Variants in PIWIL3 observed in about 807,000 individuals in gnomAD.
PIWIL3 encodes the protein piwi-like protein 3.
PIWIL3 carries 101 observed loss-of-function variants against 109.7 expected under a neutral mutation model. That is an observed-to-expected ratio of 0.92 (90% CI 0.78 to 1.09). The LOEUF is 1.09. Ranked by LOEUF, PIWIL3 falls within the 50% of genes least tolerant of loss-of-function variation. The pLI, the probability that PIWIL3 is intolerant of heterozygous loss-of-function variation, is 0.00. For missense variants in PIWIL3, 1,031 were observed against 1,072.6 expected (o/e 0.96, Z 0.54); for synonymous variants, 373 against 376.4 (o/e 0.99, Z 0.10).
chr22:24,755,669 AAT>A lies in PIWIL3; in HGVS notation c.692+113_692+114del. ...CATCTCCAAGACCCTTCACTCTCTTAATACATGAGGACTAGGAAGAACACTAA... is the reference window on the plus strand; with the variant it reads ...CATCTCCAAGACCCTTCACTCTCTTAACATGAGGACTAGGAAGAACACTAA... On this transcript the variant is annotated intron_variant, in intron 6 of 20. Coordinates refer to ENST00000616349, the MANE Select transcript of PIWIL3 (RefSeq NM_001255975.1). The A allele has an allele frequency of 1.6e-5, 22 of 1,345,390 alleles. No individual in the cohort carries two copies. In the Admixed American group the frequency reaches 3.9e-4, roughly 24 times the overall value. The allele number at this position is 1,345,390 out of a possible 1,614,324, so 83.3% of individuals were successfully genotyped here. A position where few individuals can be genotyped will look rare whatever the true frequency, so the allele number is the denominator to read the frequency against.
At position 24,757,930 on chromosome 22, in the gene PIWIL3, C is replaced by T; in HGVS notation, c.333G>A (p.Lys111=). ...TACCTGTTTTTGAGTCTTTAACATG[C>T]TTCATATCTTGCCTGGTGTTCACCA... ...DLVVNTRQDM[K]HVKDSKTGSE... is the part of the protein sequence containing the mutation. The change falls in exon 4 of 21, where the codon AAG becomes AAA. Residue 111 remains lysine, a synonymous_variant. Coordinates refer to ENST00000616349, the MANE Select transcript of PIWIL3 (RefSeq NM_001255975.1). The T allele has an allele frequency of 1.2e-6, 2 of 1,612,670 alleles. No individual in the cohort carries two copies. Among genetic ancestry groups the T allele is most frequent in the Non-Finnish European group, 1.7e-6 (2 of 1,179,608 alleles).
At chr22:24,734,583 C>T (rs1923546840) in intron 13 of PIWIL3, among the ~76,000 whole-genome samples, 1 of 152,138 alleles carries the variant, frequency 6.6e-6, no homozygotes, top group African/African-American at 2.4e-5. Flanking sequence ...ACTGCAGGCT[C>T]AGCATGGACA....
chr22:24,728,031 C>T lies in PIWIL3; in HGVS notation c.1928G>A (p.Gly643Asp). The T allele has an allele frequency of 1.2e-6, 2 of 1,613,956 alleles. No individual in the cohort carries two copies. Among genetic ancestry groups the T allele is most frequent in the Non-Finnish European group, 1.7e-6 (2 of 1,179,942 alleles). The change falls in exon 16 of 21, where the codon GGC becomes GAC. Residue 643 changes from glycine to aspartate, a missense_variant. Gly to Asp is a moderately conservative substitution (Grantham distance 94). Coordinates refer to ENST00000616349, the MANE Select transcript of PIWIL3 (RefSeq NM_001255975.1). ...ETDVQRTMFVGIDCFHDIVNR... is the reference protein window; with the variant it reads ...ETDVQRTMFVDIDCFHDIVNR... Reference sequence around the variant, plus strand: ...TACGATATCGTGGAAACAATCAATGCCAACGAACATTGTTCTTTGTACCTT... The same window carrying T: ...TACGATATCGTGGAAACAATCAATGTCAACGAACATTGTTCTTTGTACCTT...
At position 24,754,176 on chromosome 22, in the gene PIWIL3, A is replaced by G. The variant is rs1177622230; in HGVS notation, c.815T>C (p.Leu272Pro). 1 of 1,614,122 alleles carries G rather than the reference A, an allele frequency of 6.2e-7. No individual in the cohort carries two copies. Among genetic ancestry groups the G allele is most frequent in the South Asian group, 1.1e-5 (1 of 91,080 alleles). Residue 272 changes from leucine (L) to proline (P), a missense_variant, in exon 8 of 21, where the codon CTT becomes CCT. Physicochemically the swap from Leu to Pro is moderately conservative, Grantham distance 98. Coordinates refer to ENST00000616349, the MANE Select transcript of PIWIL3 (RefSeq NM_001255975.1). ...GAGGGTAATGCTGTTTTCGTATTGA[A>G]GAACAGAAGTAACATAACCAAGCCA... is the stretch of plus-strand genomic sequence containing the variant. ...EIWLGYVTSV[L>P]QYENSITLCA...
intron 16 of PIWIL3, among the ~76,000 whole-genome samples, chr22:24,727,259 T>C (rs1379263920): frequency 1.3e-5 from 2 of 152,242 alleles, no homozygotes; most frequent in Non-Finnish European, 2.9e-5. Flanking sequence ...ACCCCTGTGA[T>C]TGTTATGCTA....
chr22:24,742,658 C>T (rs1037156257), intron 12 of PIWIL3, among the ~76,000 whole-genome samples: 2 of 152,174 alleles, frequency 1.3e-5, no homozygotes, highest in African/African-American at 4.8e-5. Context: ...GAAAGGATAA[C>T]CTATTCAACA....
In PIWIL3 at chr22:24,723,173, G is replaced by A. The variant is rs1922776869; in HGVS notation, c.2314C>T (p.Pro772Ser). 2 of 1,612,912 alleles carry A rather than the reference G, an allele frequency of 1.2e-6. No homozygotes were observed. Among genetic ancestry groups the A allele is most frequent in the African/African-American group, 1.3e-5 (1 of 74,894 alleles). ...LKHGSNFQNP[P>S]PGTVIDVELT... The stretch of plus-strand genomic sequence containing the variant: ...TCTACATCAATAACTGTTCCTGGAG[G>A]TGGATTTTGAAAATTGCTTCCATGT... Residue 772 changes from proline to serine, a missense_variant, in exon 19 of 21, where the codon CCT becomes TCT. Coordinates refer to ENST00000616349, the MANE Select transcript of PIWIL3 (RefSeq NM_001255975.1).
intron 1 of PIWIL3, among the ~76,000 whole-genome samples, chr22:24,767,334 G>A (rs1204258547): frequency 1.3e-5 from 2 of 151,764 alleles, no homozygotes; most frequent in Admixed American, 6.6e-5. Context: ...TCAGGAGTTC[G>A]AGACCAGCCT....
chr22:24,737,215 GT>G (rs894961061), intron 12 of PIWIL3, among the ~76,000 whole-genome samples: 37 of 152,312 alleles, frequency 2.4e-4, no homozygotes, highest in Admixed American at 1.4e-3. Context: ...AGAAGGAAGA[GT>G]GAAGACTTTG....
chr22:24,742,799 G>T (rs1348057416), intron 12 of PIWIL3, among the ~76,000 whole-genome samples: 2 of 152,198 alleles, frequency 1.3e-5, no homozygotes, highest in Non-Finnish European at 2.9e-5. Flanking sequence ...AAGAATTCTA[G>T]AAGATAACAT....
chr22:24,754,312 G>T, intron 7 of PIWIL3, 95 bp from the exon 8 acceptor site: 1 of 974,610 alleles, frequency 1.0e-6, no homozygotes, highest in Admixed American at 2.7e-5. Flanking sequence ...TGGTACTTAG[G>T]AGTCAGTTTT....
rs114692667 is a variant in PIWIL3, at chr22:24,757,996, G to A, written c.267C>T (p.Pro89=). ...CTCCACCAATCCTTCTCTCCTGCAA[G>A]GGCGCTGTATGCAACCCAGCCTCAG... ...PGPEAGLHTA[P]LQERRIGGVF... Residue 89 remains proline (P), a synonymous_variant, in exon 4 of 21, where the codon CCC becomes CCT. Coordinates refer to ENST00000616349, the MANE Select transcript of PIWIL3 (RefSeq NM_001255975.1). 4,870 of 1,613,856 alleles carry A rather than the reference G, an allele frequency of 3.0e-3. 129 individuals carry two copies. In the African/African-American group the frequency reaches 0.059, roughly 20 times the overall value.
At chr22:24,748,848 T>C (rs1924528055) in intron 12 of PIWIL3, 59 bp downstream of exon 12, 21 of 1,379,806 alleles carry the variant, frequency 1.5e-5, no homozygotes, top group Non-Finnish European at 2.1e-5. Flanking sequence ...AGTTAGTTCC[T>C]TTTTGCTTTA....
intron 1 of PIWIL3, among the ~76,000 whole-genome samples, chr22:24,765,608 G>A (rs537444646): frequency 1.3e-5 from 2 of 152,142 alleles, no homozygotes; most frequent in South Asian, 2.1e-4. Context: ...GTGAGTCTAT[G>A]GATAATGAAA....
At chr22:24,742,555 C>T (rs1161995113) in intron 12 of PIWIL3, among the ~76,000 whole-genome samples, 1 of 152,138 alleles carries the variant, frequency 6.6e-6, no homozygotes, top group Non-Finnish European at 1.5e-5. Context: ...AAAATAGGCA[C>T]ATAGACCAAT....
chr22:24,735,708 A>C lies in PIWIL3; in HGVS notation c.1634T>G (p.Met545Arg). 3 of 1,583,480 alleles carry C rather than the reference A, an allele frequency of 1.9e-6. No individual in the cohort carries two copies. Among genetic ancestry groups the C allele is most frequent in the Non-Finnish European group, 2.6e-6 (3 of 1,170,256 alleles). Residue 545 changes from methionine (M) to arginine (R), a missense_variant and splice_region_variant, in exon 13 of 21, where the codon ATG becomes AGG. Met to Arg is a moderately conservative substitution (Grantham distance 91, BLOSUM62 -1). Transcript: ENST00000616349. ...PMGITMKPAE[M>R]IEVDGDANSY... ...AAATGGGAATTTCTGCTCTACTTAC[A>C]TTTCTGCTGGTTTCATAGTTATGCC...
rs140033456 is a variant in PIWIL3 at position 24,770,235 on chromosome 22, C to T, written c.-23+4087G>A. Among the ~76,000 whole-genome samples the T allele has an allele frequency of 2.2e-4, 34 of 152,288 alleles. No individual in the cohort carries two copies. In the East Asian group the frequency reaches 5.8e-3, roughly 26 times the overall value. ...AAGTATTGAAGGCAAGACTCAAACCCGTCAGTTTTCCATAGTAAAAGTGTC... is the reference window on the plus strand; with the variant it reads ...AAGTATTGAAGGCAAGACTCAAACCTGTCAGTTTTCCATAGTAAAAGTGTC... On this transcript the variant is annotated intron_variant, in intron 1 of 20. Coordinates refer to ENST00000616349, the MANE Select transcript of PIWIL3 (RefSeq NM_001255975.1).
chr22:24,761,660 G>A (rs970568099), intron 2 of PIWIL3, among the ~76,000 whole-genome samples: 21 of 152,076 alleles, frequency 1.4e-4, no homozygotes, highest in Admixed American at 8.5e-4. Flanking sequence ...CAAAGATGGT[G>A]CCCTAGGATC....
chr22:24,756,198 G>A (rs529855017), intron 5 of PIWIL3, among the ~76,000 whole-genome samples: 5 of 151,984 alleles, frequency 3.3e-5, no homozygotes, highest in South Asian at 4.2e-4. Context: ...TGCTAGGAGT[G>A]GGGGGCTGAA....
Sources: allele counts gnomAD v4.1 joint callset (sites outside exome capture counted in the v4.1 genomes callset), GRCh38; gene constraint gnomAD v4.1.1; transcripts MANE v1.5; gene names NCBI Gene and HGNC (gene_info 2026-07-23, HGNC 2026-07-21).